The following DNAJC1 variants were observed in gnomAD, a reference collection of about 807,000 sequenced individuals.
The protein encoded by DNAJC1 is dnaJ homolog subfamily C member 1.
DNAJC1 carries 58 observed loss-of-function variants against 76.6 expected under a neutral mutation model. The observed-to-expected ratio is 0.76, with a 90% confidence interval of 0.61 to 0.94. DNAJC1 has a LOEUF of 0.94. Ranked by LOEUF, DNAJC1 falls within the 40% of genes least tolerant of loss-of-function variation. The probability of loss-of-function intolerance (pLI) is 0.00; values close to 1 mark genes in which losing one functional copy is unlikely to be tolerated. For synonymous variants in DNAJC1, 258 were observed against 267.9 expected (o/e 0.96, Z 0.36); for missense variants, 689 against 677.3 (o/e 1.02, Z -0.19).
At chr10:21,942,835 A>G (rs1693348931) in intron 1 of DNAJC1, among the ~76,000 whole-genome samples, 1 of 151,526 alleles carries the variant, frequency 6.6e-6, no homozygotes, top group Non-Finnish European at 1.5e-5. Context: ...GAAAGAAAGA[A>G]AAAGAAATAT....
chr10:21,817,264 T>C (rs1052768972), intron 8 of DNAJC1, among the ~76,000 whole-genome samples: 11 of 151,918 alleles, frequency 7.2e-5, no homozygotes, highest in Non-Finnish European at 1.5e-4. Flanking sequence ...CATGGTGATA[T>C]GCTAAAATTT....
intron 8 of DNAJC1, among the ~76,000 whole-genome samples, chr10:21,855,351 AC>A (rs1835817926): frequency 6.6e-6 from 1 of 152,186 alleles, no homozygotes; most frequent in African/African-American, 2.4e-5. Context: ...ACAGTTAGAG[AC>A]AAGGTTTAGA....
chr10:21,787,929 C>T (rs1337927083), intron 9 of DNAJC1, among the ~76,000 whole-genome samples: 1 of 152,216 alleles, frequency 6.6e-6, no homozygotes, highest in Non-Finnish European at 1.5e-5. Flanking sequence ...CATCTTGTAA[C>T]TGGAACTAAT....
intron 9 of DNAJC1, among the ~76,000 whole-genome samples, chr10:21,791,648 CA>C (rs1834689965): frequency 6.6e-6 from 1 of 151,634 alleles, no homozygotes; most frequent in Non-Finnish European, 1.5e-5. Context: ...ACCAATTGGT[CA>C]ATAAAAAAAT....
chr10:21,834,156 C>T (rs1398944423), intron 8 of DNAJC1, among the ~76,000 whole-genome samples: 2 of 151,782 alleles, frequency 1.3e-5, no homozygotes, highest in Non-Finnish European at 2.9e-5. Flanking sequence ...CCCAGCTACT[C>T]GGGAGGCTGA....
At chr10:21,858,656 G>A (rs1175388927) in intron 8 of DNAJC1, among the ~76,000 whole-genome samples, 1 of 152,218 alleles carries the variant, frequency 6.6e-6, no homozygotes, top group African/African-American at 2.4e-5. Flanking sequence ...AAGGATGCAG[G>A]ATAGTGATTT....
chr10:21,909,724 A>G (rs1246592958), intron 6 of DNAJC1, among the ~76,000 whole-genome samples: 1 of 152,180 alleles, frequency 6.6e-6, no homozygotes, highest in Non-Finnish European at 1.5e-5. Context: ...TTCCAAACCA[A>G]CTCACAGAAA....
intron 1 of DNAJC1, among the ~76,000 whole-genome samples, chr10:21,961,953 C>T (rs1261670641): frequency 6.6e-6 from 1 of 152,144 alleles, no homozygotes; most frequent in Non-Finnish European, 1.5e-5. Flanking sequence ...TCTGCATTTG[C>T]TGATCCTTCT....
chr10:21,922,627 TTA>T (rs1480355819), intron 3 of DNAJC1, among the ~76,000 whole-genome samples: 1 of 151,980 alleles, frequency 6.6e-6, no homozygotes, highest in Admixed American at 6.6e-5. Context: ...TATCAAAAAT[TTA>T]TGTTTAAATC....
rs886857130 is a variant in DNAJC1, at chr10:21,864,580, C to T, written c.978+17702G>A. Among the ~76,000 whole-genome samples the T allele has an allele frequency of 2.0e-5, 3 of 151,730 alleles. No individual in the cohort carries two copies. In the East Asian group the frequency reaches 5.8e-4, roughly 30 times the overall value. ...GAGGTTGCAGTGAACCGATATCACG[C>T]CACTGCACTCCAGCCTGGGCGACAG... On this transcript the variant is annotated intron_variant, in intron 8 of 11. Transcript: ENST00000376980.
At chr10:21,983,720 CAAAAA>C (rs35597471) in intron 1 of DNAJC1, among the ~76,000 whole-genome samples, 2 of 113,786 alleles carry the variant, frequency 1.8e-5, no homozygotes, top group Non-Finnish European at 1.8e-5. Flanking sequence ...GATTCTGTCT[CAAAAA>C]AAAAAAAAAA....
At position 21,937,805 on chromosome 10, in the gene DNAJC1, C is replaced by A. The variant is rs1837333326; in HGVS notation, c.223-8664G>T. On this transcript the variant is annotated intron_variant, in intron 1 of 11. Transcript: ENST00000376980. ...ATGAAATGAAATCAGAAATCAATGA[C>A]AAAAGGAAATTTGAAAAATTCACAC... 2.0e-5 allele frequency among the ~76,000 whole-genome samples: 3 copies of A among 152,036 alleles called. No homozygotes were observed. The South Asian group carries it at 6.2e-4, about 32-fold the overall frequency.
chr10:21,891,159 C>T (rs2131731153), intron 7 of DNAJC1, among the ~76,000 whole-genome samples: 1 of 152,174 alleles, frequency 6.6e-6, no homozygotes, highest in East Asian at 1.9e-4. Flanking sequence ...CATTGCATTC[C>T]AGCCTGGGCA....
intron 9 of DNAJC1, among the ~76,000 whole-genome samples, chr10:21,799,696 T>TA (rs1834791933): frequency 6.6e-6 from 1 of 152,168 alleles, no homozygotes; most frequent in African/African-American, 2.4e-5. Flanking sequence ...CCAGGGTCCC[T>TA]ATCATGCCGT....
chr10:21,894,369 G>A (rs1306199483), intron 7 of DNAJC1, among the ~76,000 whole-genome samples: 8 of 152,060 alleles, frequency 5.3e-5, no homozygotes, highest in Admixed American at 2.6e-4. Flanking sequence ...TCACGAGTTC[G>A]AGACCAGCCT....
chr10:21,853,861 C>G (rs948926649), intron 8 of DNAJC1, among the ~76,000 whole-genome samples: 4 of 142,974 alleles, frequency 2.8e-5, no homozygotes, highest in Non-Finnish European at 6.1e-5. Flanking sequence ...CCATTTGAAT[C>G]TAATCCAGTG....
intron 11 of DNAJC1, among the ~76,000 whole-genome samples, chr10:21,757,528 C>A (rs1834190404): frequency 6.6e-6 from 1 of 152,224 alleles, no homozygotes; most frequent in Non-Finnish European, 1.5e-5. Context: ...AGGATGTTTA[C>A]TCTCCTAGGA....
intron 1 of DNAJC1, among the ~76,000 whole-genome samples, chr10:21,931,588 A>C (rs1837225277): frequency 6.6e-6 from 1 of 152,204 alleles, no homozygotes; most frequent in South Asian, 2.1e-4. Flanking sequence ...TAACTTCCCA[A>C]TGAGACAGTT....
intron 9 of DNAJC1, chr10:21,785,155 C>A (rs953112955): frequency 6.6e-6 from 1 of 152,194 alleles, no homozygotes; most frequent in African/African-American, 2.4e-5. Flanking sequence ...CAGCTTTGTG[C>A]ACTGGCAGTT....
Sources: gnomAD v4.1 joint callset for allele counts (sites outside exome capture counted in the v4.1 genomes callset) on GRCh38, gnomAD v4.1.1 for gene constraint, MANE v1.5 for transcripts, NCBI Gene and HGNC (gene_info 2026-07-23, HGNC 2026-07-21) for gene names.